Variants in EFCAB6 observed in about 807,000 individuals in gnomAD.
EFCAB6 encodes the protein EF-hand calcium-binding domain-containing protein 6.
A neutral mutation model predicts 169.8 loss-of-function variants in EFCAB6; 156 were observed. That is an observed-to-expected ratio of 0.92 (90% confidence interval 0.81 to 1.05). The LOEUF (loss-of-function observed/expected upper bound fraction) is 1.05, where lower values mean the gene tolerates loss of function less well. Ranked by LOEUF, EFCAB6 falls within the 50% of genes least tolerant of loss-of-function variation. The probability of loss-of-function intolerance (pLI) is 0.00; values close to 1 mark genes in which losing one functional copy is unlikely to be tolerated. For synonymous variants in EFCAB6, 698 were observed against 676.4 expected (o/e 1.03, Z -0.50); for missense variants, 1,800 against 1,829.1 (o/e 0.98, Z 0.29).
chr22:43,705,683 T>C (rs1235466637), intron 10 of EFCAB6, among the ~76,000 whole-genome samples: 2 of 151,970 alleles, frequency 1.3e-5, no homozygotes, highest in African/African-American at 4.8e-5. Flanking sequence ...ATTTAAAATA[T>C]CTTAAGACAA....
chr22:43,695,186 A>C (rs769168544), intron 10 of EFCAB6, among the ~76,000 whole-genome samples: 10 of 152,056 alleles, frequency 6.6e-5, no homozygotes, highest in South Asian at 2.1e-4. Flanking sequence ...TACAAACATC[A>C]ATTGTATTTC....
intron 2 of EFCAB6, among the ~76,000 whole-genome samples, chr22:43,787,659 A>G (rs1052062653): frequency 4.6e-5 from 7 of 152,152 alleles, no homozygotes; most frequent in African/African-American, 1.7e-4. Context: ...ATACTCTCCA[A>G]ACTGATCTAT....
intron 8 of EFCAB6, among the ~76,000 whole-genome samples, chr22:43,722,699 T>C (rs2059581239): frequency 6.6e-6 from 1 of 152,182 alleles, no homozygotes; most frequent in Non-Finnish European, 1.5e-5. Context: ...GCAATCCAAT[T>C]ACTGGGCATA....
At position 43,575,490 on chromosome 22, in the gene EFCAB6, G is replaced by T. The variant is rs139378761; in HGVS notation, c.3420+807C>A. Among the ~76,000 whole-genome samples, 47 of 150,998 alleles carry T rather than the reference G, an allele frequency of 3.1e-4. No individual in the cohort carries two copies. The East Asian group carries it at 7.6e-3, about 24-fold the overall frequency. Reference sequence around the variant, plus strand: ...CCCAAAGTGCTGGGATTACAGGCATGAACCACCGACTTTTTATAGCAGCTT... The same window carrying T: ...CCCAAAGTGCTGGGATTACAGGCATTAACCACCGACTTTTTATAGCAGCTT... On this transcript the variant is annotated intron_variant, in intron 26 of 31. Transcript: ENST00000262726.
intron 27 of EFCAB6, among the ~76,000 whole-genome samples, chr22:43,543,095 G>A (rs1015055882): frequency 1.3e-5 from 2 of 152,168 alleles, no homozygotes; most frequent in Admixed American, 6.5e-5. Flanking sequence ...TTCTTCCCCT[G>A]AGCCCATGAG....
At chr22:43,591,111 GTTTT>G (rs67053426) in intron 23 of EFCAB6, among the ~76,000 whole-genome samples, 2 of 131,092 alleles carry the variant, frequency 1.5e-5, no homozygotes, top group African/African-American at 5.5e-5. Context: ...TTTGTTTTTT[GTTTT>G]TTTTTTTTGT....
chr22:43,530,373 C>T (rs1172114612), intron 31 of EFCAB6, among the ~76,000 whole-genome samples: 1 of 152,200 alleles, frequency 6.6e-6, no homozygotes, highest in Admixed American at 6.5e-5. Flanking sequence ...AGGGCAGATG[C>T]CCAATGGTGG....
At chr22:43,750,398 T>C (rs2060716481) in intron 6 of EFCAB6, among the ~76,000 whole-genome samples, 1 of 152,232 alleles carries the variant, frequency 6.6e-6, no homozygotes, top group South Asian at 2.1e-4. Context: ...TATTCAGTTA[T>C]GATTGATAGG....
intron 5 of EFCAB6, among the ~76,000 whole-genome samples, chr22:43,757,306 G>A (rs574176480): frequency 1.3e-5 from 2 of 152,204 alleles, no homozygotes; most frequent in Non-Finnish European, 2.9e-5. Context: ...CCAGCACTTT[G>A]GGAGACTGAG....
chr22:43,779,218 T>G (rs1239566820), intron 3 of EFCAB6, among the ~76,000 whole-genome samples: 1 of 152,210 alleles, frequency 6.6e-6, no homozygotes, highest in African/African-American at 2.4e-5. Context: ...AACTCGTGAC[T>G]ATGAACTCAG....
chr22:43,580,427 T>A, intron 25 of EFCAB6, 37 bp downstream of exon 25: 1 of 1,603,814 alleles, frequency 6.2e-7, no homozygotes, highest in Non-Finnish European at 8.5e-7. Flanking sequence ...TGAATCAAGA[T>A]GAGTTTTCAC....
chr22:43,740,736 A>T (rs911683946), intron 6 of EFCAB6, among the ~76,000 whole-genome samples: 2 of 152,198 alleles, frequency 1.3e-5, no homozygotes, highest in Non-Finnish European at 2.9e-5. Context: ...AGCCGGCTCC[A>T]GTGCCTCTGT....
chr22:43,701,484 G>T (rs184391249), intron 10 of EFCAB6, among the ~76,000 whole-genome samples: 180 of 152,028 alleles, frequency 1.2e-3, no homozygotes, highest in Non-Finnish European at 2.2e-3. Flanking sequence ...TTGTAGACAG[G>T]GCATTGTATA....
intron 17 of EFCAB6, among the ~76,000 whole-genome samples, chr22:43,656,398 A>AT (rs1170065748): frequency 6.6e-6 from 1 of 152,136 alleles, no homozygotes; most frequent in Non-Finnish European, 1.5e-5. Context: ...ATCTAAAAAA[A>AT]AAAAAGAAAA....
At chr22:43,695,704 G>A (rs998546887) in intron 10 of EFCAB6, among the ~76,000 whole-genome samples, 3 of 152,002 alleles carry the variant, frequency 2.0e-5, no homozygotes, top group Non-Finnish European at 2.9e-5. Context: ...TTCAACAAAC[G>A]TGCAAAGTAA....
chr22:43,667,352 T>C (rs755579530), intron 16 of EFCAB6, 80 bp from the exon 17 acceptor site: 174 of 1,517,362 alleles, frequency 1.1e-4, no homozygotes, highest in Non-Finnish European at 1.5e-4. Context: ...CCCATTTCCA[T>C]GTAACCCATG....
chr22:43,736,653 G>A (rs943179944), intron 6 of EFCAB6, among the ~76,000 whole-genome samples: 1 of 151,610 alleles, frequency 6.6e-6, no homozygotes, highest in Non-Finnish European at 1.5e-5. Flanking sequence ...CGCACACAAT[G>A]TTAGGATAGA....
intron 9 of EFCAB6, among the ~76,000 whole-genome samples, chr22:43,713,202 A>G (rs2059220947): frequency 6.6e-6 from 1 of 152,050 alleles, no homozygotes; most frequent in Non-Finnish European, 1.5e-5. Flanking sequence ...CTGTTTAATA[A>G]CTCTCTCCCT....
intron 12 of EFCAB6, among the ~76,000 whole-genome samples, chr22:43,682,766 T>C (rs549080556): frequency 3.3e-5 from 5 of 152,372 alleles, no homozygotes; most frequent in African/African-American, 1.2e-4. Flanking sequence ...CCGAATCATT[T>C]AAGACGGTGC....
Sources: allele counts gnomAD v4.1 joint callset (sites outside exome capture counted in the v4.1 genomes callset), GRCh38; gene constraint gnomAD v4.1.1; transcripts MANE v1.5; gene names NCBI Gene and HGNC (gene_info 2026-07-23, HGNC 2026-07-21).